NXPE3: variants seen among roughly 807,000 people sequenced by gnomAD.
NXPE3 encodes neurexophilin and PC-esterase domain family member 3.
In NXPE3, 26 loss-of-function variants were observed where a neutral mutation model predicts 46.1. That is an observed-to-expected ratio of 0.56 (90% CI 0.41 to 0.78). The LOEUF is 0.78. NXPE3 is among the 30% of genes least tolerant of loss of function. The pLI, the probability that NXPE3 is intolerant of heterozygous loss-of-function variation, is 0.00. For missense variants in NXPE3, 620 were observed against 686.0 expected (o/e 0.90, Z 1.07); for synonymous variants, 272 against 257.9 (o/e 1.05, Z -0.52).
rs370719187 is a variant in NXPE3, at chr3:101,810,683, G to A, written c.922+3557G>A. Among the ~76,000 whole-genome samples, 21 of 152,280 alleles carry A rather than the reference G, an allele frequency of 1.4e-4. No individual in the cohort carries two copies. In the East Asian group the frequency reaches 3.9e-3, roughly 28 times the overall value. On this transcript the variant is annotated intron_variant, in intron 6 of 7. Coordinates refer to ENST00000273347, the MANE Select transcript of NXPE3 (RefSeq NM_145037.4). ...GTTGTTGGTTTTAAAGATGAAGGGG[G>A]CCACATGGCTAGGAATATAGGCAAC...
chr3:101,820,802 T>C (rs1942211740), intron 7 of NXPE3, among the ~76,000 whole-genome samples: 1 of 152,182 alleles, frequency 6.6e-6, no homozygotes. Context: ...TGTTCTCACT[T>C]ATAAGCGGGA....
chr3:101,819,853 A>G (rs1013523520), intron 7 of NXPE3, among the ~76,000 whole-genome samples: 3 of 152,146 alleles, frequency 2.0e-5, no homozygotes, highest in Admixed American at 2.0e-4. Flanking sequence ...TGTCTAAAAC[A>G]TTTTCCTTCT....
At chr3:101,781,894 AGT>A in intron 1 of NXPE3, 1 of 152,266 alleles carries the variant, frequency 6.6e-6, no homozygotes, top group African/African-American at 2.4e-5. Context: ...AAGGTCTGAG[AGT>A]GATTTACCAT....
intron 4 of NXPE3, among the ~76,000 whole-genome samples, chr3:101,787,636 T>C (rs1025480291): frequency 5.3e-5 from 8 of 152,218 alleles, no homozygotes; most frequent in African/African-American, 1.9e-4. Context: ...TTGGCTTATT[T>C]CTGTTAGCAT....
chr3:101,798,732 C>T (rs984633876), intron 4 of NXPE3, among the ~76,000 whole-genome samples: 1 of 151,710 alleles, frequency 6.6e-6, no homozygotes, highest in African/African-American at 2.4e-5. Context: ...CGTGCTTCAG[C>T]CTCCTGAGTA....
intron 7 of NXPE3, among the ~76,000 whole-genome samples, chr3:101,819,577 T>C (rs182355062): frequency 1.5e-3 from 226 of 152,346 alleles, no homozygotes; most frequent in African/African-American, 5.2e-3. Context: ...AGGTGTTTGT[T>C]TTCATTTTTC....
intron 4 of NXPE3, among the ~76,000 whole-genome samples, chr3:101,787,517 G>T (rs1940262515): frequency 1.3e-5 from 2 of 152,184 alleles, no homozygotes; most frequent in African/African-American, 4.8e-5. Flanking sequence ...ATTTGACCAG[G>T]CTGGTCTTGA....
At chr3:101,806,947 A>G in intron 5 of NXPE3, 106 bp from the exon 6 acceptor site, 2 of 789,212 alleles carry the variant, frequency 2.5e-6, no homozygotes, top group Admixed American at 4.3e-5. Flanking sequence ...ATTTCATCAT[A>G]ATAAGGCTCC....
At chr3:101,818,824 G>A (rs1942116405) in intron 7 of NXPE3, among the ~76,000 whole-genome samples, 1 of 125,562 alleles carries the variant, frequency 8.0e-6, no homozygotes, top group African/African-American at 3.1e-5. Context: ...GGAGTGCAGT[G>A]GTGTGATCTC....
rs1359408556 is a variant in NXPE3 at position 101,827,078 on chromosome 3, A to G, written c.*5124A>G. On this transcript the variant is annotated 3_prime_UTR_variant, in exon 8 of 8. Transcript: ENST00000273347. The stretch of plus-strand genomic sequence containing the variant: ...AAAAAATAAAAAAGTGTGAACTTAA[A>G]TATATTTATATGTGTGTACATATAT... 6.6e-6 allele frequency: 1 copy of G among 152,216 alleles called. No homozygotes were observed. The highest frequency in any genetic ancestry group is 2.4e-5 in the African/African-American group (1 of 41,446). 9.4% of individuals were successfully genotyped at this position (152,216 alleles called of 1,614,324 possible).
intron 4 of NXPE3, among the ~76,000 whole-genome samples, chr3:101,789,589 A>G (rs1386151147): frequency 1.3e-5 from 2 of 152,212 alleles, no homozygotes; most frequent in Non-Finnish European, 2.9e-5. Context: ...ATTTCTATAT[A>G]CTGCTCTAAT....
chr3:101,795,833 C>T (rs572573046), intron 4 of NXPE3, among the ~76,000 whole-genome samples: 2 of 152,318 alleles, frequency 1.3e-5, no homozygotes, highest in African/African-American at 4.8e-5. Flanking sequence ...CTGTAAGCCT[C>T]TTAACTGTGC....
chr3:101,810,449 T>A (rs898349030), intron 6 of NXPE3, among the ~76,000 whole-genome samples: 1 of 152,216 alleles, frequency 6.6e-6, no homozygotes, highest in Non-Finnish European at 1.5e-5. Flanking sequence ...TTACATAATC[T>A]CCTTCCCCTT....
Position 101,801,287 on chromosome 3 carries a change from T to C in NXPE3, c.146T>C (p.Phe49Ser). Residue 49 changes from phenylalanine (F) to serine (S), a missense_variant, in exon 5 of 8, where the codon TTT (phenylalanine) becomes TCT (serine). By Grantham distance (155) the Phe-to-Ser change is radical. Coordinates refer to ENST00000273347, the MANE Select transcript of NXPE3 (RefSeq NM_145037.4). ...ACTTTCATCGACAGCAGTGGACAGT[T>C]TGTTTCCTCCCAGGTGACAGGAATT... is the stretch of plus-strand genomic sequence containing the variant. Reference protein sequence around the residue: ...SATFIDSSGQFVSSQVTGISR... With the variant: ...SATFIDSSGQSVSSQVTGISR... 1 of 1,614,142 alleles carries C rather than the reference T, an allele frequency of 6.2e-7. No homozygotes were observed. Among genetic ancestry groups the C allele is most frequent in the African/African-American group, 1.3e-5 (1 of 75,038 alleles).
chr3:101,803,680 C>T (rs1238624865), intron 5 of NXPE3, among the ~76,000 whole-genome samples: 2 of 152,236 alleles, frequency 1.3e-5, no homozygotes, highest in Non-Finnish European at 2.9e-5. Flanking sequence ...AGTGCAGTGG[C>T]ATGATTGCAG....
chr3:101,800,870 T>G (rs1032016031), intron 4 of NXPE3, among the ~76,000 whole-genome samples: 1 of 152,208 alleles, frequency 6.6e-6, no homozygotes. Flanking sequence ...CCTTTACTTT[T>G]TTCTTGGTGT....
chr3:101,796,676 AT>A (rs1940846559), intron 4 of NXPE3, among the ~76,000 whole-genome samples: 1 of 152,302 alleles, frequency 6.6e-6, no homozygotes, highest in African/African-American at 2.4e-5. Context: ...TCCCCATGCC[AT>A]TTTTTAAATG....
At chr3:101,803,518 T>A (rs928213221) in intron 5 of NXPE3, among the ~76,000 whole-genome samples, 2 of 152,228 alleles carry the variant, frequency 1.3e-5, no homozygotes, top group African/African-American at 4.8e-5. Flanking sequence ...TGGGTTCAGG[T>A]TTCAGACATG....
At chr3:101,795,351 C>T (rs1190163409) in intron 4 of NXPE3, among the ~76,000 whole-genome samples, 2 of 152,078 alleles carry the variant, frequency 1.3e-5, no homozygotes, top group African/African-American at 4.8e-5. Context: ...AAACCCCCGT[C>T]TCTACTAAAA....
Sources: allele counts gnomAD v4.1 joint callset (sites outside exome capture counted in the v4.1 genomes callset), GRCh38; gene constraint gnomAD v4.1.1; transcripts MANE v1.5; gene names NCBI Gene and HGNC (gene_info 2026-07-23, HGNC 2026-07-21).